OPCML: variants seen among roughly 807,000 people sequenced by gnomAD.
OPCML encodes opioid-binding protein/cell adhesion molecule.
In OPCML, 13 loss-of-function variants were observed where a neutral mutation model predicts 37.8. The observed-to-expected ratio is 0.34, with a 90% CI of 0.22 to 0.55. The LOEUF is 0.55. Among genes scored for constraint, OPCML ranks in the 20% least tolerant of loss-of-function variants. The pLI is 0.91. For missense variants in OPCML, 341 were observed against 435.6 expected, an observed-to-expected ratio of 0.78 and a Z score of 1.93; for synonymous variants, 176 against 168.8, an observed-to-expected ratio of 1.04 and a Z score of -0.33.
chr11:133,194,168 C>T (rs1232806574), intron 1 of OPCML, among the ~76,000 whole-genome samples: 33 of 151,232 alleles, frequency 2.2e-4, no homozygotes. Context: ...AAGCCGATGG[C>T]CATTCCTTCC....
At chr11:133,282,776 C>T (rs1397293935) in intron 1 of OPCML, among the ~76,000 whole-genome samples, 2 of 152,184 alleles carry the variant, frequency 1.3e-5, no homozygotes, top group Non-Finnish European at 1.5e-5. Flanking sequence ...GCAGAGTTTC[C>T]CAAAGGCCTT....
chr11:132,984,113 G>A (rs910852512), intron 1 of OPCML, among the ~76,000 whole-genome samples: 1 of 152,146 alleles, frequency 6.6e-6, no homozygotes, highest in African/African-American at 2.4e-5. Context: ...TGACCCTGCA[G>A]GTGATCTTTC....
At chr11:132,948,526 T>C (rs917601380) in intron 1 of OPCML, among the ~76,000 whole-genome samples, 1 of 152,132 alleles carries the variant, frequency 6.6e-6, no homozygotes, top group African/African-American at 2.4e-5. Flanking sequence ...GTGTGGGGTA[T>C]GGGTTTTGGA....
At chr11:133,473,546 C>T (rs1252798043) in intron 1 of OPCML, among the ~76,000 whole-genome samples, 3 of 152,010 alleles carry the variant, frequency 2.0e-5, no homozygotes, top group Non-Finnish European at 4.4e-5. Flanking sequence ...TTTGTTACTA[C>T]AAAAAAGCAC....
intron 1 of OPCML, among the ~76,000 whole-genome samples, chr11:133,364,616 C>G (rs757094642): frequency 1.6e-4 from 25 of 152,046 alleles, no homozygotes; most frequent in Admixed American, 3.9e-4. Flanking sequence ...TAAAACAAAC[C>G]AAACTACTCA....
At chr11:132,735,973 GC>G (rs1945242383) in intron 2 of OPCML, among the ~76,000 whole-genome samples, 1 of 152,142 alleles carries the variant, frequency 6.6e-6, no homozygotes, top group Non-Finnish European at 1.5e-5. Context: ...AAAATCAAGA[GC>G]CCAGACGACA....
At chr11:133,447,729 C>A (rs1946500707) in intron 1 of OPCML, among the ~76,000 whole-genome samples, 1 of 152,180 alleles carries the variant, frequency 6.6e-6, no homozygotes, top group African/African-American at 2.4e-5. Context: ...GCATAGTATT[C>A]CATGGAGTAT....
chr11:132,473,498 G>C (rs1353637192), intron 4 of OPCML, among the ~76,000 whole-genome samples: 1 of 152,158 alleles, frequency 6.6e-6, no homozygotes, highest in Non-Finnish European at 1.5e-5. Flanking sequence ...CAAGGAGACT[G>C]CATTTTTCAG....
chr11:133,080,802 CTGTT>C (rs1196059508), intron 1 of OPCML, among the ~76,000 whole-genome samples: 1 of 152,160 alleles, frequency 6.6e-6, no homozygotes, highest in Non-Finnish European at 1.5e-5. Context: ...TTGCAGGCAT[CTGTT>C]TGTTCACCTC....
intron 2 of OPCML, among the ~76,000 whole-genome samples, chr11:132,679,664 A>C (rs757942687): frequency 6.6e-6 from 1 of 152,196 alleles, no homozygotes; most frequent in Admixed American, 6.5e-5. Flanking sequence ...ATTGTTCTAA[A>C]ACTGATTGTG....
At chr11:133,252,736 C>T (rs112591991) in intron 1 of OPCML, among the ~76,000 whole-genome samples, 2 of 151,960 alleles carry the variant, frequency 1.3e-5, no homozygotes, top group African/African-American at 4.8e-5. Context: ...TCTTTTTTTC[C>T]CTTGACCCTC....
At chr11:133,451,192 C>G (rs150759932) in intron 1 of OPCML, among the ~76,000 whole-genome samples, 3 of 151,586 alleles carry the variant, frequency 2.0e-5, no homozygotes, top group South Asian at 2.1e-4. Context: ...ACAGAACAAT[C>G]TTTGCACAGA....
At chr11:132,632,048 T>C (rs1221274711) in intron 3 of OPCML, among the ~76,000 whole-genome samples, 1 of 151,994 alleles carries the variant, frequency 6.6e-6, no homozygotes, top group African/African-American at 2.4e-5. Context: ...GCAGCCATGC[T>C]GATCAGGGCT....
intron 7 of OPCML, among the ~76,000 whole-genome samples, chr11:132,429,147 G>C (rs1020173591): frequency 3.9e-5 from 6 of 152,140 alleles, no homozygotes; most frequent in Admixed American, 2.0e-4. Flanking sequence ...TGCAGGGAAG[G>C]TTGCAGGTGG....
intron 1 of OPCML, among the ~76,000 whole-genome samples, chr11:133,089,930 G>A (rs1036846568): frequency 6.6e-6 from 1 of 152,212 alleles, no homozygotes; most frequent in Non-Finnish European, 1.5e-5. Context: ...ATAAAATGGT[G>A]AGCAAAAGTT....
At chr11:132,466,068 G>C (rs1337640673) in intron 4 of OPCML, among the ~76,000 whole-genome samples, 4 of 152,134 alleles carry the variant, frequency 2.6e-5, no homozygotes, top group Non-Finnish European at 1.5e-5. Flanking sequence ...ATCTTAAGTA[G>C]GCCAACTCCC....
intron 3 of OPCML, among the ~76,000 whole-genome samples, chr11:132,601,483 A>G (rs1464356682): frequency 6.6e-6 from 1 of 152,206 alleles, no homozygotes; most frequent in African/African-American, 2.4e-5. Flanking sequence ...CACGAATATT[A>G]TATCCACGCT....
chr11:133,208,258 ATTG>A lies in OPCML; in HGVS notation c.62-265251_62-265249del, dbSNP rs1399419155. On this transcript the variant is annotated intron_variant, in intron 1 of 7. Coordinates refer to ENST00000524381, the MANE Select transcript of OPCML (RefSeq NM_001012393.5). This position sits in a 1 kb window ranked among gnomAD's most constrained non-coding sequence, Gnocchi z 8.9. ...ATTGTATTACATTGCATTGCACTGT[ATTG>A]TTGTATTACCACGTATAAATACCAG... 6.6e-6 allele frequency among the ~76,000 whole-genome samples: 1 copy of A among 152,172 alleles called. No individual in the cohort carries two copies. Among genetic ancestry groups the A allele is most frequent in the Non-Finnish European group, 1.5e-5 (1 of 68,030 alleles).
At chr11:133,507,973 A>T (rs1948071506) in intron 1 of OPCML, among the ~76,000 whole-genome samples, 1 of 151,776 alleles carries the variant, frequency 6.6e-6, no homozygotes, top group African/African-American at 2.4e-5. Flanking sequence ...ATCTCAAATG[A>T]CTCAGAGCCA....
Sources: allele counts gnomAD v4.1 joint callset (sites outside exome capture counted in the v4.1 genomes callset), GRCh38; gene constraint gnomAD v4.1.1; non-coding constraint Gnocchi (gnomAD v3.1); transcripts MANE v1.5; gene names NCBI Gene and HGNC (gene_info 2026-07-23, HGNC 2026-07-21).